ANLN: variants seen among roughly 807,000 people sequenced by gnomAD.
ANLN encodes anillin.
Under a neutral mutation model 135.1 loss-of-function variants are expected in ANLN, and 59 were observed. That is an observed-to-expected ratio of 0.44 (90% CI 0.35 to 0.54). The LOEUF (loss-of-function observed/expected upper bound fraction) is 0.54, where lower values mean the gene tolerates loss of function less well. ANLN is among the 20% of genes least tolerant of loss of function. The pLI is 0.00. For missense variants in ANLN, 1,182 were observed against 1,340.0 expected, an observed-to-expected ratio of 0.88 and a Z score of 1.84; for synonymous variants, 406 against 456.4, an observed-to-expected ratio of 0.89 and a Z score of 1.41.
chr7:36,422,869 G>A, intron 14 of ANLN, 60 bp downstream of exon 14: 1 of 1,466,968 alleles, frequency 6.8e-7, no homozygotes, highest in Middle Eastern at 1.8e-4. Context: ...AGATTGAATT[G>A]TACAGAATAG....
chr7:36,401,920 T>C (rs1786968573), intron 3 of ANLN, among the ~76,000 whole-genome samples: 1 of 116,726 alleles, frequency 8.6e-6, no homozygotes, highest in African/African-American at 3.7e-5. Context: ...CCCCTTTCCA[T>C]GGCAATGACC....
intron 22 of ANLN, among the ~76,000 whole-genome samples, chr7:36,444,306 T>A (rs1040831421): frequency 6.8e-6 from 1 of 146,026 alleles, no homozygotes; most frequent in African/African-American, 2.5e-5. Context: ...AAAAAAAAAA[T>A]GTTTTTGTTG....
In ANLN at chr7:36,420,660, T is replaced by G; in HGVS notation, c.2079T>G (p.Ile693Met). 6.2e-7 allele frequency: 1 copy of G among 1,613,520 alleles called. No individual in the cohort carries two copies. The highest frequency in any genetic ancestry group is 8.5e-7 in the Non-Finnish European group (1 of 1,179,440). Reference sequence around the variant, plus strand: ...AACGTCCATCAATAAAGCAGGTGATTGTTCGGAAGGAAGATGTTACTTCAA... The same window carrying G: ...AACGTCCATCAATAAAGCAGGTGATGGTTCGGAAGGAAGATGTTACTTCAA... ...ETERPSIKQV[I>M]VRKEDVTSKL... Residue 693 changes from isoleucine to methionine, a missense_variant, in exon 12 of 24, where the codon ATT (isoleucine) becomes ATG (methionine). This residue lies in a region of ANLN where 1,022 missense variants were observed against 1,134.0 expected (regional missense o/e 0.90). Coordinates refer to ENST00000265748, the MANE Select transcript of ANLN (RefSeq NM_018685.5).
rs1307958239 is a variant in ANLN, at chr7:36,423,868, T to C, written c.2528T>C (p.Met843Thr). 1.9e-6 allele frequency: 3 copies of C among 1,612,538 alleles called. No individual in the cohort carries two copies. Among genetic ancestry groups the C allele is most frequent in the Admixed American group, 1.7e-5 (1 of 59,868 alleles). The change falls in exon 15 of 24, where the codon ATG becomes ACG. Residue 843 changes from methionine to threonine, a missense_variant. Physicochemically the swap from Met to Thr is moderately conservative, Grantham distance 81 (BLOSUM62 -1). Transcript: ENST00000265748. ...LIILKAGAEN[M>T]VATPLASTSN... ...ATACTAAAAGCAGGAGCTGAAAATA[T>C]GGTAGCCACACCATTAGCAAGTACT... is the stretch of plus-strand genomic sequence containing the variant.
intron 7 of ANLN, among the ~76,000 whole-genome samples, chr7:36,414,461 G>A (rs1205787151): frequency 6.6e-6 from 1 of 152,154 alleles, no homozygotes; most frequent in Non-Finnish European, 1.5e-5. Context: ...AAAGTAGCAT[G>A]TAGGGGTGAT....
intron 7 of ANLN, among the ~76,000 whole-genome samples, chr7:36,412,306 A>AATATATATATATATAT (rs60215077): frequency 1.9e-5 from 2 of 102,676 alleles, no homozygotes; most frequent in African/African-American, 3.7e-5. Flanking sequence ...CTGCCAGAGA[A>AATATATATATATATAT]ATATATATAT....
At chr7:36,417,050 A>G (rs758125657) in intron 8 of ANLN, 30 bp from the exon 9 acceptor site, 8 of 1,221,054 alleles carry the variant, frequency 6.6e-6, no homozygotes, top group Non-Finnish European at 7.0e-6. Flanking sequence ...TCTTATATAT[A>G]TTAATATGGT....
chr7:36,431,469 CCTTT>C (rs1788302589), intron 20 of ANLN, among the ~76,000 whole-genome samples: 1 of 150,588 alleles, frequency 6.6e-6, no homozygotes, highest in Non-Finnish European at 1.5e-5. Context: ...CTTCCATCTT[CCTTT>C]CTATCTTGAC....
chr7:36,441,016 A>G (rs960598747), intron 21 of ANLN, among the ~76,000 whole-genome samples: 3 of 152,176 alleles, frequency 2.0e-5, no homozygotes, highest in African/African-American at 7.2e-5. Flanking sequence ...GGGAATTGCT[A>G]CTTATTAACA....
At position 36,426,949 on chromosome 7, in the gene ANLN, G is replaced by A. The variant is rs1462474727; in HGVS notation, c.2804G>A (p.Arg935Gln). 6 of 1,612,396 alleles carry A rather than the reference G, an allele frequency of 3.7e-6. No homozygotes were observed. Among genetic ancestry groups the A allele is most frequent in the African/African-American group, 2.7e-5 (2 of 74,784 alleles). The part of the protein sequence containing the change: ...MASPGGLSAV[R>Q]TSNFALVGSY... ...AGTCCAGGAGGTCTTAGTGCTGTGC[G>A]AACCAGCAACTTCGCCCTTGTTGGA... is the stretch of plus-strand genomic sequence containing the variant. Residue 935 changes from arginine to glutamine, a missense_variant, in exon 20 of 24, where the codon CGA (arginine) becomes CAA (glutamine). Around this residue, in one of 3 missense-constraint regions of ANLN, gnomAD observed 1,022 missense variants for 1,134.0 expected, o/e 0.90. Transcript: ENST00000265748.
chr7:36,407,311 G>C (rs1304854298), intron 4 of ANLN, among the ~76,000 whole-genome samples: 2 of 152,048 alleles, frequency 1.3e-5, no homozygotes, highest in Non-Finnish European at 2.9e-5. Context: ...ATAGTACCTG[G>C]CTATGTATAA....
rs1421802442 is a variant in ANLN, at chr7:36,410,530, G to A, written c.1113G>A (p.Lys371=). The change falls in exon 6 of 24, where the codon AAG becomes AAA. Residue 371 remains lysine (K), a synonymous_variant. Transcript: ENST00000265748. ...TTTCTGTAGGAGGAACAGGAATTAA[G>A]CCTTTCCTGGAACGCTTTGGAGAGC... The part of the protein sequence containing the change: ...KSTTPGGTGI[K]PFLERFGERC... 10 of 1,608,512 alleles carry A rather than the reference G, an allele frequency of 6.2e-6. No homozygotes were observed. The highest frequency in any genetic ancestry group is 7.6e-6 in the Non-Finnish European group (9 of 1,178,122).
chr7:36,415,938 G>T (rs189188234), intron 8 of ANLN, 54 bp downstream of exon 8: 2 of 1,412,340 alleles, frequency 1.4e-6, no homozygotes, highest in Admixed American at 2.5e-5. Context: ...AATGATGTTT[G>T]TGTGTTGATT....
Position 36,399,131 on chromosome 7 carries a change from T to C in ANLN, c.225T>C (p.Thr75=). The change falls in exon 3 of 24, where the codon ACT becomes ACC. Residue 75 remains threonine (T), a synonymous_variant. Coordinates refer to ENST00000265748, the MANE Select transcript of ANLN (RefSeq NM_018685.5). Reference sequence around the variant, plus strand: ...CAAAAAAACGCTGTTCTGACAACACTGAAGTAGAAGTTTCTAACTTGGAAA... The same window carrying C: ...CAAAAAAACGCTGTTCTGACAACACCGAAGTAGAAGTTTCTAACTTGGAAA... ...SPSKKRCSDN[T]EVEVSNLENK... 6.2e-7 allele frequency: 1 copy of C among 1,614,156 alleles called. No individual in the cohort carries two copies. Among genetic ancestry groups the C allele is most frequent in the Non-Finnish European group, 8.5e-7 (1 of 1,180,016 alleles).
In ANLN at chr7:36,420,157, G is replaced by A. The variant is rs750931202; in HGVS notation, c.1870-12G>A. On this transcript the variant is annotated splice_polypyrimidine_tract_variant and intron_variant, in intron 10 of 23. Transcript: ENST00000265748. Reference sequence around the variant, plus strand: ...TAGGATCAATGTTAATATCTGATGCGTTTTCCCACAGAGTTTAGTGTCCAC... The same window carrying A: ...TAGGATCAATGTTAATATCTGATGCATTTTCCCACAGAGTTTAGTGTCCAC... The A allele has an allele frequency of 4.3e-5, 70 of 1,610,560 alleles. No individual in the cohort carries two copies. In the South Asian group the frequency reaches 6.3e-4, roughly 14 times the overall value.
At chr7:36,446,789 T>C (rs1338586559) in intron 22 of ANLN, among the ~76,000 whole-genome samples, 1 of 152,200 alleles carries the variant, frequency 6.6e-6, no homozygotes, top group Non-Finnish European at 1.5e-5. Context: ...CATTCACTGA[T>C]CCACAATGCC....
chr7:36,449,208 CA>C (rs1789140592), intron 22 of ANLN: 2 of 152,444 alleles, frequency 1.3e-5, no homozygotes, highest in African/African-American at 4.8e-5. Context: ...TGGCTGCCAA[CA>C]ATCCAGGGCA....
chr7:36,445,857 CT>C (rs1255062922), intron 22 of ANLN, among the ~76,000 whole-genome samples: 3 of 152,180 alleles, frequency 2.0e-5, no homozygotes, highest in Admixed American at 6.5e-5. Context: ...AAGTTCTCAG[CT>C]TTTCATATTC....
chr7:36,410,464 A>C (rs1402029438), intron 5 of ANLN, 50 bp from the exon 6 acceptor site: 1 of 1,472,394 alleles, frequency 6.8e-7, no homozygotes, highest in Admixed American at 2.6e-5. Context: ...TAGAAATCGT[A>C]ATAATTTTTT....
Sources: gnomAD v4.1 joint callset for allele counts (sites outside exome capture counted in the v4.1 genomes callset) on GRCh38, gnomAD v4.1.1 for gene constraint, gnomAD v4.1.1 regional missense constraint, MANE v1.5 for transcripts, NCBI Gene and HGNC (gene_info 2026-07-23, HGNC 2026-07-21) for gene names.